Variants in SOX6 observed in about 807,000 individuals in gnomAD.
The protein encoded by SOX6 is transcription factor SOX-6.
A neutral mutation model predicts 97.8 loss-of-function variants in SOX6; 11 were observed. The observed-to-expected ratio is 0.11, with a 90% CI of 0.07 to 0.19. The LOEUF is 0.19. Among genes scored for constraint, SOX6 ranks in the 10% least tolerant of loss-of-function variants. SOX6 has a pLI of 1.00. For missense variants in SOX6, 810 were observed against 1,039.5 expected (o/e 0.78, Z 3.04); for synonymous variants, 360 against 371.4 (o/e 0.97, Z 0.35).
intron 4 of SOX6, among the ~76,000 whole-genome samples, chr11:16,563,360 A>T (rs1847836613): frequency 6.6e-6 from 1 of 152,160 alleles, no homozygotes; most frequent in Non-Finnish European, 1.5e-5. Context: ...CAGAAGGATA[A>T]CTTAAGCCTG....
At chr11:16,498,560 A>C (rs2133139649) in intron 4 of SOX6, among the ~76,000 whole-genome samples, 1 of 152,214 alleles carries the variant, frequency 6.6e-6, no homozygotes, top group Non-Finnish European at 1.5e-5. Flanking sequence ...TATTCAGGAA[A>C]CCCATCTCAC....
intron 12 of SOX6, among the ~76,000 whole-genome samples, chr11:16,045,348 AC>A (rs962336427): frequency 3.9e-5 from 6 of 152,056 alleles, no homozygotes; most frequent in African/African-American, 1.4e-4. Flanking sequence ...TCAGATTAGT[AC>A]CCTTCTATCA....
chr11:16,449,289 T>C (rs1859672038), intron 1 of SOX6, among the ~76,000 whole-genome samples: 1 of 72,472 alleles, frequency 1.4e-5, no homozygotes, highest in Non-Finnish European at 2.9e-5. Context: ...TTTTTTTTTT[T>C]TTTTTTTTTT....
chr11:16,329,551 T>A (rs1856216583), intron 2 of SOX6, among the ~76,000 whole-genome samples: 1 of 152,192 alleles, frequency 6.6e-6, no homozygotes, highest in Non-Finnish European at 1.5e-5. Flanking sequence ...TCCCAGCTTT[T>A]CCACCTCTCA....
intron 4 of SOX6, among the ~76,000 whole-genome samples, chr11:16,200,087 C>T (rs761486778): frequency 6.6e-6 from 1 of 152,144 alleles, no homozygotes; most frequent in Non-Finnish European, 1.5e-5. Flanking sequence ...AATTAATTCA[C>T]CTTCCATAAT....
At chr11:16,569,264 T>C (rs778651284) in intron 4 of SOX6, among the ~76,000 whole-genome samples, 2 of 152,184 alleles carry the variant, frequency 1.3e-5, no homozygotes, top group Non-Finnish European at 2.9e-5. Context: ...TTTTTGAAAG[T>C]TAGGGATTAT....
At chr11:16,502,104 C>T (rs1481812101) in intron 4 of SOX6, among the ~76,000 whole-genome samples, 1 of 152,260 alleles carries the variant, frequency 6.6e-6, no homozygotes, top group South Asian at 2.1e-4. Context: ...AAATGTGGCA[C>T]ATATATACCA....
chr11:16,521,687 C>T (rs1006496372), intron 4 of SOX6, among the ~76,000 whole-genome samples: 24 of 152,220 alleles, frequency 1.6e-4, no homozygotes, highest in African/African-American at 5.8e-4. Context: ...CTCCGAGCTA[C>T]AGGAGGAAAC....
intron 4 of SOX6, among the ~76,000 whole-genome samples, chr11:16,597,375 C>G (rs1050166659): frequency 6.6e-6 from 1 of 151,324 alleles, no homozygotes; most frequent in Non-Finnish European, 1.5e-5. Context: ...ACAGTAGCTT[C>G]AAACTTAACC....
chr11:16,592,215 C>A (rs572788730), intron 4 of SOX6, among the ~76,000 whole-genome samples: 1 of 151,146 alleles, frequency 6.6e-6, no homozygotes, highest in Admixed American at 6.6e-5. Flanking sequence ...CAGAAGTTCT[C>A]CCGAACAAAC....
At chr11:16,078,860 G>C (rs1379883262) in intron 9 of SOX6, among the ~76,000 whole-genome samples, 1 of 152,106 alleles carries the variant, frequency 6.6e-6, no homozygotes, top group Non-Finnish European at 1.5e-5. Context: ...ATAATTGAAA[G>C]TCCTATGGCA....
At chr11:16,667,982 T>G (rs1216378622) in intron 3 of SOX6, among the ~76,000 whole-genome samples, 1 of 152,210 alleles carries the variant, frequency 6.6e-6, no homozygotes, top group Non-Finnish European at 1.5e-5. Context: ...TTCTCTTTGC[T>G]TGTTTGTTTG....
chr11:16,063,225 G>T (rs1266260123), intron 9 of SOX6, among the ~76,000 whole-genome samples: 4 of 151,044 alleles, frequency 2.6e-5, no homozygotes, highest in Admixed American at 6.6e-5. Flanking sequence ...TCTTCCATTT[G>T]GATGTTAGTG....
At chr11:16,545,299 A>G (rs1565176920) in intron 4 of SOX6, among the ~76,000 whole-genome samples, 1 of 151,826 alleles carries the variant, frequency 6.6e-6, no homozygotes, top group Non-Finnish European at 1.5e-5. Context: ...GAATAAAACT[A>G]TAAACCCATG....
intron 12 of SOX6, among the ~76,000 whole-genome samples, chr11:16,028,139 A>G (rs963487481): frequency 1.3e-5 from 2 of 152,244 alleles, no homozygotes; most frequent in Non-Finnish European, 2.9e-5. Flanking sequence ...TAAATTTTGT[A>G]CACAGCCTGC....
chr11:16,284,678 G>A (rs1854679734), intron 3 of SOX6, among the ~76,000 whole-genome samples: 1 of 152,070 alleles, frequency 6.6e-6, no homozygotes, highest in South Asian at 2.1e-4. Context: ...CCAAGCAAAT[G>A]CAAATGTGTT....
At chr11:16,072,057 G>A (rs1306729791) in intron 9 of SOX6, among the ~76,000 whole-genome samples, 1 of 152,130 alleles carries the variant, frequency 6.6e-6, no homozygotes, top group Non-Finnish European at 1.5e-5. Context: ...GACCACACTA[G>A]TACCCCAGCA....
chr11:16,029,020 G>A (rs777565301), intron 12 of SOX6, among the ~76,000 whole-genome samples: 22 of 152,132 alleles, frequency 1.4e-4, no homozygotes, highest in Admixed American at 5.2e-4. Flanking sequence ...ATACCAGCAA[G>A]GGTAGCGACT....
chr11:16,030,940 C>T (rs567683484), intron 12 of SOX6, among the ~76,000 whole-genome samples: 2 of 152,312 alleles, frequency 1.3e-5, no homozygotes, highest in South Asian at 4.1e-4. Flanking sequence ...TAAAGCTTCC[C>T]TTCTGGGCAG....
Sources: gnomAD v4.1 joint callset for allele counts (sites outside exome capture counted in the v4.1 genomes callset) on GRCh38, gnomAD v4.1.1 for gene constraint, MANE v1.5 for transcripts, NCBI Gene and HGNC (gene_info 2026-07-23, HGNC 2026-07-21) for gene names.